Variants in MAPK8IP3 observed in about 807,000 individuals in gnomAD.
The protein encoded by MAPK8IP3 is C-Jun-amino-terminal kinase-interacting protein 3.
Under a neutral mutation model 157.8 loss-of-function variants are expected in MAPK8IP3, and 49 were observed. The observed-to-expected ratio is 0.31, with a 90% CI of 0.25 to 0.39. The LOEUF (loss-of-function observed/expected upper bound fraction) is 0.39. MAPK8IP3 is among the 10% of genes least tolerant of loss of function. MAPK8IP3 has a pLI of 1.00. For missense variants in MAPK8IP3, 1,478 were observed against 1,889.4 expected, an observed-to-expected ratio of 0.78 and a Z score of 4.04; for synonymous variants, 897 against 777.7, an observed-to-expected ratio of 1.15 and a Z score of -2.55.
chr16:1,707,065 C>T (rs771523168), intron 1 of MAPK8IP3, among the ~76,000 whole-genome samples: 9 of 152,006 alleles, frequency 5.9e-5, no homozygotes, highest in Non-Finnish European at 8.8e-5. Flanking sequence ...CCCCACCCAC[C>T]TCTGCATGAC....
Position 1,762,476 on chromosome 16 carries a change from G to A in MAPK8IP3, c.1665G>A (p.Met555Ile), listed in dbSNP as rs1596780602. 6.2e-7 allele frequency: 1 copy of A among 1,611,596 alleles called. No homozygotes were observed. Among genetic ancestry groups the A allele is most frequent in the Non-Finnish European group, 8.5e-7 (1 of 1,179,092 alleles). ...ELQEAVRWTEMIRASREHPSV... is the reference protein window; with the variant it reads ...ELQEAVRWTEIIRASREHPSV... ...AGGAGGCTGTGCGGTGGACTGAGAT[G>A]ATCAGGTGGGAGTTGCGGCCACCCC... The change falls in exon 14 of 32, where the codon ATG becomes ATA. Residue 555 changes from methionine (M) to isoleucine (I), a missense_variant. Physicochemically the swap from Met to Ile is conservative, Grantham distance 10. Around this residue, in one of 11 missense-constraint regions of MAPK8IP3, gnomAD observed 669 missense variants for 759.8 expected, o/e 0.88. Transcript: ENST00000610761.
At chr16:1,768,149 C>T (rs2042386758) in intron 29 of MAPK8IP3, 42 bp downstream of exon 29, 2 of 1,611,862 alleles carry the variant, frequency 1.2e-6, no homozygotes, top group African/African-American at 1.3e-5. Context: ...GAGCCTCTCC[C>T]ACTCTCCACC....
rs1455060878 is a variant in MAPK8IP3 at position 1,758,205 on chromosome 16, G to A, written c.1228+46G>A. 8 of 1,609,768 alleles carry A rather than the reference G, an allele frequency of 5.0e-6. No homozygotes were observed. In the East Asian group the frequency reaches 8.9e-5, roughly 18 times the overall value. On this transcript the variant is annotated intron_variant, in intron 9 of 31. Coordinates refer to ENST00000610761, the MANE Select transcript of MAPK8IP3 (RefSeq NM_001318852.2). ...TCTGTCTCCCCTCTGTGTGACGGGG[G>A]GAGTGGGTGGACGGGGGATGCCCCG...
At chr16:1,730,311 C>A (rs1442274108) in intron 4 of MAPK8IP3, among the ~76,000 whole-genome samples, 3 of 152,040 alleles carry the variant, frequency 2.0e-5, no homozygotes, top group Non-Finnish European at 4.4e-5. Flanking sequence ...AAAGAATAAA[C>A]AACAAAAAAG....
chr16:1,736,977 CGT>C (rs2039968100), intron 4 of MAPK8IP3, among the ~76,000 whole-genome samples: 1 of 60,846 alleles, frequency 1.6e-5, no homozygotes, highest in Non-Finnish European at 3.0e-5. Context: ...TGTGACCGTC[CGT>C]GTGAGCATCC....
rs368002838 is a variant in MAPK8IP3 at position 1,763,620 on chromosome 16, C to T, written c.1899-37C>T. The T allele has an allele frequency of 1.7e-4, 258 of 1,504,130 alleles. 1 individual carries two copies. In the African/African-American group the frequency reaches 2.3e-3, roughly 13 times the overall value. 93.2% of individuals were successfully genotyped at this position (1,504,130 alleles called of 1,614,324 possible). A position where few individuals can be genotyped will look rare whatever the true frequency, so the allele number is the denominator to read the frequency against. On this transcript the variant is annotated intron_variant, in intron 16 of 31. Coordinates refer to ENST00000610761, the MANE Select transcript of MAPK8IP3 (RefSeq NM_001318852.2). ...CTGGGGCACTGTGGGGGCCGCTCAC[C>T]CTGGACAGAGACATCACCCATCATT...
In MAPK8IP3 at chr16:1,710,879, C is replaced by T. The variant is rs1222929623; in HGVS notation, c.318+4222C>T. Reference sequence around the variant, plus strand: ...GCTGGCCTGGTGTAGCTGTACCACTCACCAGGAGTACAGCAGTCTCCCTAA... The same window carrying T: ...GCTGGCCTGGTGTAGCTGTACCACTTACCAGGAGTACAGCAGTCTCCCTAA... On this transcript the variant is annotated intron_variant, in intron 1 of 31. Coordinates refer to ENST00000610761, the MANE Select transcript of MAPK8IP3 (RefSeq NM_001318852.2). The surrounding 1 kb of genome is among the most constrained non-coding windows in gnomAD (Gnocchi z 4.1). 6.6e-6 allele frequency among the ~76,000 whole-genome samples: 1 copy of T among 152,212 alleles called. No individual in the cohort carries two copies. Among genetic ancestry groups the T allele is most frequent in the African/African-American group, 2.4e-5 (1 of 41,458 alleles).
At chr16:1,709,570 G>T (rs2037628493) in intron 1 of MAPK8IP3, among the ~76,000 whole-genome samples, 1 of 152,266 alleles carries the variant, frequency 6.6e-6, no homozygotes, top group African/African-American at 2.4e-5. Flanking sequence ...CTACCAGACA[G>T]TGCAGTTTCT....
At chr16:1,723,658 A>G (rs896890462) in intron 1 of MAPK8IP3, among the ~76,000 whole-genome samples, 1 of 152,084 alleles carries the variant, frequency 6.6e-6, no homozygotes, top group Non-Finnish European at 1.5e-5. Flanking sequence ...AGGCCAGTTG[A>G]TATTTATACT....
In MAPK8IP3 at chr16:1,735,541, G is replaced by C. The variant is rs1254852638; in HGVS notation, c.602+5963G>C. Among the ~76,000 whole-genome samples the C allele has an allele frequency of 2.2e-4, 30 of 137,944 alleles. 2 individuals carry two copies. Among genetic ancestry groups the C allele is most frequent in the Admixed American group, 1.7e-3 (24 of 13,930 alleles). The allele number at this position is 137,944 out of a possible 152,430, so 90.5% of individuals were successfully genotyped here. On this transcript the variant is annotated intron_variant, in intron 4 of 31. Coordinates refer to ENST00000610761, the MANE Select transcript of MAPK8IP3 (RefSeq NM_001318852.2). The stretch of plus-strand genomic sequence containing the variant: ...AGCAGCCGTGTGACCGTCCGTGTGA[G>C]CGTCCGTGTGAGAGTGTGACCGTCC...
intron 5 of MAPK8IP3, chr16:1,745,041 T>G (rs374659547): frequency 1.0e-6 from 1 of 985,466 alleles, no homozygotes; most frequent in African/African-American, 1.7e-5. Context: ...TTGGGTTCTT[T>G]CAGTGCATTT....
At chr16:1,738,983 C>CGTCCGTGTG (rs2040363130) in intron 4 of MAPK8IP3, among the ~76,000 whole-genome samples, 1 of 129,144 alleles carries the variant, frequency 7.7e-6, no homozygotes, top group African/African-American at 3.0e-5. Flanking sequence ...TCCGTGTGAG[C>CGTCCGTGTG]ATGTGAGCAT....
chr16:1,720,522 A>C (rs973520686), intron 1 of MAPK8IP3, among the ~76,000 whole-genome samples: 1 of 152,168 alleles, frequency 6.6e-6, no homozygotes, highest in Non-Finnish European at 1.5e-5. Flanking sequence ...ATCAGGTTAC[A>C]AAACACTGTG....
intron 5 of MAPK8IP3, chr16:1,744,917 CTTAA>C (rs1313164463): frequency 1.4e-5 from 14 of 972,990 alleles, no homozygotes; most frequent in Non-Finnish European, 1.7e-5. Context: ...TTTCTAATTT[CTTAA>C]TTTTTTTGTT....
chr16:1,758,135 C>G lies in MAPK8IP3; in HGVS notation c.1217-13C>G, dbSNP rs1047700127. On this transcript the variant is annotated splice_polypyrimidine_tract_variant and intron_variant, in intron 8 of 31. Transcript: ENST00000610761. Reference sequence around the variant, plus strand: ...CCTTCCCCTGCCTCTCTGTGCGTCGCTGGACTCGCCAGGGGAGTTCTCAGG... The same window carrying G: ...CCTTCCCCTGCCTCTCTGTGCGTCGGTGGACTCGCCAGGGGAGTTCTCAGG... 1 of 1,613,782 alleles carries G rather than the reference C, an allele frequency of 6.2e-7. No homozygotes were observed. The highest frequency in any genetic ancestry group is 2.2e-5 in the East Asian group (1 of 44,880).
At chr16:1,722,092 T>C (rs2038566776) in intron 1 of MAPK8IP3, among the ~76,000 whole-genome samples, 1 of 152,228 alleles carries the variant, frequency 6.6e-6, no homozygotes, top group South Asian at 2.1e-4. Flanking sequence ...AAAATTCTTA[T>C]CAGTCGATTA....
In MAPK8IP3 at chr16:1,743,094, CA is replaced by C. The variant is rs1309375410; in HGVS notation, c.603-230del. On this transcript the variant is annotated intron_variant, in intron 4 of 31. Transcript: ENST00000610761. The surrounding 1 kb of genome is among the most constrained non-coding windows in gnomAD (Gnocchi z 5.6). The stretch of plus-strand genomic sequence containing the variant: ...TGGGTGACAGAGCGAGACTCCGCCT[CA>C]AAAAAAATAAAATAAAATAAAATAA... 1.3e-5 allele frequency among the ~76,000 whole-genome samples: 2 copies of C among 150,904 alleles called. No individual in the cohort carries two copies. The highest frequency in any genetic ancestry group is 1.9e-4 in the East Asian group (1 of 5,150).
rs781569150 is a variant in MAPK8IP3, at chr16:1,748,353, G to T, written c.1097+7G>T. 2 of 1,611,716 alleles carry T rather than the reference G, an allele frequency of 1.2e-6. No homozygotes were observed. Among genetic ancestry groups the T allele is most frequent in the South Asian group, 1.1e-5 (1 of 91,060 alleles). On this transcript the variant is annotated splice_region_variant and intron_variant, in intron 7 of 31. Coordinates refer to ENST00000610761, the MANE Select transcript of MAPK8IP3 (RefSeq NM_001318852.2). ...TGGACCGCACAGGAAGCAGGTACTG[G>T]CTCAGCCCAGGCCCTGGGGTCCTGG...
intron 4 of MAPK8IP3, among the ~76,000 whole-genome samples, chr16:1,740,856 C>A (rs2040631704): frequency 2.0e-5 from 3 of 152,204 alleles, no homozygotes; most frequent in Admixed American, 2.0e-4. Context: ...GTCGGAAGGG[C>A]CATCTGGCCA....
Sources: gnomAD v4.1 joint callset for allele counts (sites outside exome capture counted in the v4.1 genomes callset) on GRCh38, gnomAD v4.1.1 for gene constraint, gnomAD v4.1.1 regional missense constraint, Gnocchi (gnomAD v3.1) non-coding constraint, MANE v1.5 for transcripts, NCBI Gene and HGNC (gene_info 2026-07-23, HGNC 2026-07-21) for gene names.